Variants in VPS37A observed in about 807,000 individuals in gnomAD.
The protein encoded by VPS37A is vacuolar protein sorting-associated protein 37A.
In VPS37A, 30 loss-of-function variants were observed where a neutral mutation model predicts 49.8. The ratio of observed to expected loss-of-function variants is 0.60; its 90% CI spans 0.45 to 0.82. VPS37A has a LOEUF of 0.82. Ranked by LOEUF, VPS37A falls within the 40% of genes least tolerant of loss-of-function variation. The pLI, the probability that VPS37A is intolerant of heterozygous loss-of-function variation, is 0.00. For synonymous variants in VPS37A, 195 were observed against 160.6 expected, an observed-to-expected ratio of 1.21 and a Z score of -1.62; for missense variants, 593 against 464.4, an observed-to-expected ratio of 1.28 and a Z score of -2.55.
Position 17,280,409 on chromosome 8 carries a change from A to T in VPS37A, c.935A>T (p.Glu312Val). The change falls in exon 9 of 12, where the codon GAA (glutamate) becomes GTA (valine). Residue 312 changes from glutamate to valine, a missense_variant. Physicochemically the swap from Glu to Val is moderately radical, Grantham distance 121 (BLOSUM62 -2). Transcript: ENST00000324849. ...CTTACACAGATGAAGTCCACTTTCGAAAAGAAGATGCAAAGGCAGCATGAA... is the reference window on the plus strand; with the variant it reads ...CTTACACAGATGAAGTCCACTTTCGTAAAGAAGATGCAAAGGCAGCATGAA... ...ELLTQMKSTF[E>V]KKMQRQHELS... is the part of the protein sequence containing the mutation. 6.2e-7 allele frequency: 1 copy of T among 1,609,474 alleles called. No individual in the cohort carries two copies. Among genetic ancestry groups the T allele is most frequent in the Non-Finnish European group, 8.5e-7 (1 of 1,178,502 alleles).
At chr8:17,325,805 G>A in the VPS37A span, among the ~76,000 whole-genome samples, 6 of 152,152 alleles carry the variant, frequency 3.9e-5, no homozygotes, top group Non-Finnish European at 7.4e-5. Context: ...TTTGAATAAA[G>A]AAATTCAGCA....
intron 1 of VPS37A, among the ~76,000 whole-genome samples, chr8:17,254,342 G>A (rs1432157229): frequency 6.6e-6 from 1 of 152,156 alleles, no homozygotes; most frequent in Non-Finnish European, 1.5e-5. Context: ...CGCTAGCTTA[G>A]AGGCTGTCTC....
chr8:17,280,472 C>G (rs1166495297), intron 9 of VPS37A, 29 bp downstream of exon 9: 1 of 1,569,816 alleles, frequency 6.4e-7, no homozygotes, highest in Non-Finnish European at 8.6e-7. Context: ...TTCCCTTTGC[C>G]ATAGATTTTT....
At chr8:17,288,494 G>C (rs950008753) in intron 11 of VPS37A, among the ~76,000 whole-genome samples, 1 of 152,134 alleles carries the variant, frequency 6.6e-6, no homozygotes, top group African/African-American at 2.4e-5. Flanking sequence ...TCCCGTGTTA[G>C]TTTCCTGAGA....
chr8:17,298,773 A>G (rs1018671357), downstream of VPS37A: 3 of 152,590 alleles, frequency 2.0e-5, no homozygotes, highest in South Asian at 2.1e-4. Flanking sequence ...TTTTTAACTC[A>G]TAAGATAGGG....
intron 2 of VPS37A, among the ~76,000 whole-genome samples, chr8:17,266,208 A>G (rs146079373): frequency 3.2e-4 from 48 of 152,318 alleles, no homozygotes; most frequent in Non-Finnish European, 5.4e-4. Flanking sequence ...TGTAATACTA[A>G]TTCTGAGTAC....
chr8:17,300,894 T>A (rs1175158834), downstream of VPS37A, among the ~76,000 whole-genome samples: 1 of 152,252 alleles, frequency 6.6e-6, no homozygotes, highest in East Asian at 1.9e-4. Flanking sequence ...TGTATCTGGC[T>A]TCCTTCACTT....
intron 1 of VPS37A, among the ~76,000 whole-genome samples, chr8:17,251,504 C>A (rs1811971120): frequency 1.3e-5 from 2 of 152,188 alleles, no homozygotes; most frequent in Non-Finnish European, 2.9e-5. Flanking sequence ...GTGCTTGAAT[C>A]TTTGCCTCTT....
chr8:17,304,510 T>C, downstream of VPS37A: 2 of 1,613,300 alleles, frequency 1.2e-6, no homozygotes, highest in Non-Finnish European at 8.5e-7. Flanking sequence ...AGTATGTTCT[T>C]TCTTGAATCC....
chr8:17,330,808 T>C, the VPS37A span, among the ~76,000 whole-genome samples: 2 of 152,200 alleles, frequency 1.3e-5, no homozygotes, highest in East Asian at 1.9e-4. Context: ...TGGTTGGTTA[T>C]TGCTTTAAAT....
chr8:17,302,280 C>G, downstream of VPS37A: 10 of 1,612,706 alleles, frequency 6.2e-6, no homozygotes, highest in Non-Finnish European at 8.5e-6. Flanking sequence ...CACTCCAAAA[C>G]CTGGAAAGGA....
At chr8:17,265,787 C>G (rs1038904921) in intron 1 of VPS37A, 120 bp from the exon 2 acceptor site, 7 of 1,555,624 alleles carry the variant, frequency 4.5e-6, no homozygotes, top group Non-Finnish European at 6.1e-6. Context: ...GTTATGCTGG[C>G]TATCCAGATT....
chr8:17,315,962 A>G, the VPS37A span, among the ~76,000 whole-genome samples: 9 of 152,200 alleles, frequency 5.9e-5, no homozygotes, highest in Admixed American at 4.6e-4. Context: ...GCAGTGAGCT[A>G]TGATCTTGCC....
intron 10 of VPS37A, 143 bp from the exon 11 acceptor site, chr8:17,286,204 G>C: frequency 1.6e-6 from 1 of 636,622 alleles, no homozygotes; most frequent in African/African-American, 1.8e-5. Context: ...GATAATTTTA[G>C]CTATTAGATT....
intron 11 of VPS37A, among the ~76,000 whole-genome samples, chr8:17,287,458 T>C (rs886390115): frequency 2.0e-5 from 3 of 151,968 alleles, no homozygotes; most frequent in African/African-American, 7.3e-5. Flanking sequence ...GTGGATCACA[T>C]GGTCAAGAGA....
intron 4 of VPS37A, among the ~76,000 whole-genome samples, chr8:17,274,339 G>C (rs1814292992): frequency 6.6e-6 from 1 of 152,194 alleles, no homozygotes; most frequent in African/African-American, 2.4e-5. Flanking sequence ...AGAGAAAGCT[G>C]TTAGCCTCTA....
At chr8:17,314,504 G>A in the VPS37A span, among the ~76,000 whole-genome samples, 2 of 152,082 alleles carry the variant, frequency 1.3e-5, no homozygotes, top group South Asian at 2.1e-4. Context: ...TGAAAGCACT[G>A]TGCATATGGG....
At chr8:17,248,708 A>T (rs557813106) in intron 1 of VPS37A, among the ~76,000 whole-genome samples, 1 of 152,348 alleles carries the variant, frequency 6.6e-6, no homozygotes, top group South Asian at 2.1e-4. Flanking sequence ...TTACTGCAAA[A>T]TCAGTTTGGC....
chr8:17,313,145 C>T, the VPS37A span: 18 of 500,800 alleles, frequency 3.6e-5, no homozygotes, highest in Admixed American at 9.6e-5. Context: ...ATATCTTCAG[C>T]GCACAGACTA....
Sources: gnomAD v4.1 joint callset for allele counts (sites outside exome capture counted in the v4.1 genomes callset) on GRCh38, gnomAD v4.1.1 for gene constraint, MANE v1.5 for transcripts, NCBI Gene and HGNC (gene_info 2026-07-23, HGNC 2026-07-21) for gene names.